The following DENND2C variants were observed in gnomAD, a reference collection of about 807,000 sequenced individuals.
DENND2C encodes the protein DENN domain-containing protein 2C.
In DENND2C, 72 loss-of-function variants were observed where a neutral mutation model predicts 112.4. The ratio of observed to expected loss-of-function variants is 0.64; its 90% CI spans 0.53 to 0.78. DENND2C has a LOEUF of 0.78. DENND2C is among the 30% of genes least tolerant of loss of function. DENND2C has a pLI of 0.00. For synonymous variants in DENND2C, 329 were observed against 381.6 expected (o/e 0.86, Z 1.61); for missense variants, 992 against 1,113.8 (o/e 0.89, Z 1.56).
intron 16 of DENND2C, among the ~76,000 whole-genome samples, chr1:114,596,709 C>G (rs1655351987): frequency 6.6e-6 from 1 of 152,086 alleles, no homozygotes; most frequent in Non-Finnish European, 1.5e-5. Context: ...TTTCACTCTT[C>G]TGTTTACTTT....
chr1:114,625,878 G>T lies in DENND2C; in HGVS notation c.107C>A (p.Ser36Tyr), dbSNP rs778698096. The change falls in exon 4 of 21, where the codon TCT becomes TAT. Residue 36 changes from serine (S) to tyrosine (Y), a missense_variant. Physicochemically the swap from Ser to Tyr is moderately radical, Grantham distance 144. Transcript: ENST00000393274. ...SQWEGRANGI[S>Y]NPEKWCPKDF... ...CTTTGGACACCACTTTTCTGGATTAGATATACCATTAGCCCTTCCTTCCCA... is the reference window on the plus strand; with the variant it reads ...CTTTGGACACCACTTTTCTGGATTATATATACCATTAGCCCTTCCTTCCCA... The T allele has an allele frequency of 3.1e-6, 5 of 1,614,030 alleles. No individual in the cohort carries two copies. The highest frequency in any genetic ancestry group is 4.2e-6 in the Non-Finnish European group (5 of 1,179,988).
chr1:114,626,065 C>T lies in DENND2C; in HGVS notation c.-81G>A, dbSNP rs1224952998. The stretch of plus-strand genomic sequence containing the variant: ...AAATGTGAAATATTGTATTCTTTAT[C>T]CTGTCAGAATCCAAATGATTCCAGT... On this transcript the variant is annotated 5_prime_UTR_variant, in exon 4 of 21. Transcript: ENST00000393274. The T allele has an allele frequency of 5.2e-6, 7 of 1,344,448 alleles. No individual in the cohort carries two copies. Among genetic ancestry groups the T allele is most frequent in the Non-Finnish European group, 7.1e-6 (7 of 985,726 alleles). The allele number at this position is 1,344,448 out of a possible 1,614,324, so 83.3% of individuals were successfully genotyped here. A position where few individuals can be genotyped will look rare whatever the true frequency, so the allele number is the denominator to read the frequency against.
At chr1:114,661,476 A>C (rs1449209321) in intron 1 of DENND2C, among the ~76,000 whole-genome samples, 1 of 152,210 alleles carries the variant, frequency 6.6e-6, no homozygotes, top group Admixed American at 6.5e-5. Context: ...TAGGAAACTG[A>C]GATAACTTTA....
At chr1:114,588,427 T>C (rs973627530) in intron 18 of DENND2C, 3 of 157,790 alleles carry the variant, frequency 1.9e-5, no homozygotes, top group African/African-American at 4.8e-5. Context: ...TTCCTGAGCA[T>C]GGTGCTCAGA....
chr1:114,595,534 G>T, intron 17 of DENND2C: 10 of 233,054 alleles, frequency 4.3e-5, no homozygotes, highest in East Asian at 1.0e-4. Context: ...CTTTTAAAAT[G>T]TAATTAAATT....
At chr1:114,610,402 T>TA (rs1369377487) in intron 9 of DENND2C, among the ~76,000 whole-genome samples, 2 of 152,120 alleles carry the variant, frequency 1.3e-5, no homozygotes, top group Admixed American at 6.6e-5. Flanking sequence ...TGAGTGGCTA[T>TA]AAAAAATCAG....
rs1390134473 is a variant in DENND2C at position 114,606,655 on chromosome 1, CT to C, written c.1558-1625del. Among the ~76,000 whole-genome samples, 4 of 152,260 alleles carry C rather than the reference CT, an allele frequency of 2.6e-5. No homozygotes were observed. In the South Asian group the frequency reaches 8.3e-4, roughly 32 times the overall value. On this transcript the variant is annotated intron_variant, in intron 10 of 20. Coordinates refer to ENST00000393274, the MANE Select transcript of DENND2C (RefSeq NM_001256404.2). ...GCAGAACAAATTAAATATAAAACAT[CT>C]TTTTTCTTCTGTGGCCTCTGTAATG...
At chr1:114,654,214 C>T (rs529391315) in intron 2 of DENND2C, among the ~76,000 whole-genome samples, 4 of 152,200 alleles carry the variant, frequency 2.6e-5, no homozygotes, top group Non-Finnish European at 2.9e-5. Flanking sequence ...GGGTGGATCA[C>T]GAAGTCAGGA....
chr1:114,655,882 A>ATGT (rs199699184), intron 1 of DENND2C, among the ~76,000 whole-genome samples: 3 of 72,266 alleles, frequency 4.2e-5, no homozygotes, highest in South Asian at 3.2e-4. Context: ...ATATATGTAT[A>ATGT]AATATATATA....
intron 1 of DENND2C, among the ~76,000 whole-genome samples, chr1:114,656,804 C>T (rs1273277439): frequency 5.3e-5 from 8 of 150,936 alleles, no homozygotes; most frequent in Non-Finnish European, 1.0e-4. Flanking sequence ...GGGGCTGGAA[C>T]GCAGTGGTGC....
At chr1:114,585,934 ATTT>A (rs1206771258) in intron 20 of DENND2C, among the ~76,000 whole-genome samples, 1 of 151,906 alleles carries the variant, frequency 6.6e-6, no homozygotes, top group African/African-American at 2.4e-5. Flanking sequence ...CCAGGGGAAA[ATTT>A]TTTTTAAGTT....
intron 1 of DENND2C, among the ~76,000 whole-genome samples, chr1:114,656,598 G>A (rs1255450076): frequency 3.3e-5 from 5 of 151,678 alleles, no homozygotes; most frequent in African/African-American, 9.7e-5. Flanking sequence ...TAGTTTCACC[G>A]TGTTGGCCAG....
intron 1 of DENND2C, among the ~76,000 whole-genome samples, chr1:114,668,520 A>AAAAC (rs1657704171): frequency 6.8e-6 from 1 of 146,850 alleles, no homozygotes; most frequent in Non-Finnish European, 1.5e-5. Flanking sequence ...TGCCACATTC[A>AAAAC]ACACACACAC....
chr1:114,648,369 G>T (rs1301690549), intron 2 of DENND2C, among the ~76,000 whole-genome samples: 1 of 152,152 alleles, frequency 6.6e-6, no homozygotes, highest in Non-Finnish European at 1.5e-5. Context: ...CCGAGTTTCA[G>T]CAGGGCCTCA....
At chr1:114,633,439 CA>C (rs780884019) in intron 3 of DENND2C, among the ~76,000 whole-genome samples, 3,180 of 49,258 alleles carry the variant, frequency 0.065, 28 homozygotes, top group African/African-American at 0.14. Context: ...GACCCTATCT[CA>C]AAAAAAAAAA....
intron 1 of DENND2C, among the ~76,000 whole-genome samples, chr1:114,666,905 G>T (rs1657663411): frequency 6.6e-6 from 1 of 152,186 alleles, no homozygotes; most frequent in South Asian, 2.1e-4. Flanking sequence ...ATGAAGGGAA[G>T]TGAAATACCA....
intron 18 of DENND2C, among the ~76,000 whole-genome samples, chr1:114,592,563 C>CA (rs1484284697): frequency 5.9e-5 from 9 of 151,720 alleles, no homozygotes; most frequent in Admixed American, 2.0e-4. Context: ...ACAAAAAATA[C>CA]AAAAAAACCA....
At chr1:114,665,096 G>A (rs889620299) in intron 1 of DENND2C, among the ~76,000 whole-genome samples, 4 of 151,210 alleles carry the variant, frequency 2.6e-5, no homozygotes, top group Non-Finnish European at 5.9e-5. Context: ...TCTGTCTCAA[G>A]AAAAATAAAA....
Position 114,625,437 on chromosome 1 carries a change from C to T in DENND2C, c.548G>A (p.Ser183Asn). ...EKELNFRVLDSSYGITKSLEN... is the reference protein window; with the variant it reads ...EKELNFRVLDNSYGITKSLEN... ...TAAGCTCTTGGTTATTCCGTATGAA[C>T]TATCCAGAACTCTGAAGTTCAGTTC... Residue 183 changes from serine to asparagine, a missense_variant, in exon 4 of 21, where the codon AGT becomes AAT. Transcript: ENST00000393274. The T allele has an allele frequency of 1.2e-6, 2 of 1,614,128 alleles. No homozygotes were observed. The highest frequency in any genetic ancestry group is 8.5e-7 in the Non-Finnish European group (1 of 1,180,012).
Sources: allele counts gnomAD v4.1 joint callset (sites outside exome capture counted in the v4.1 genomes callset), GRCh38; gene constraint gnomAD v4.1.1; transcripts MANE v1.5; gene names NCBI Gene and HGNC (gene_info 2026-07-23, HGNC 2026-07-21).